The following CFAP74 variants were observed in gnomAD, a reference collection of about 807,000 sequenced individuals.
CFAP74 encodes the protein cilia- and flagella-associated protein 74.
Under a neutral mutation model 188.9 loss-of-function variants are expected in CFAP74, and 124 were observed. That is an observed-to-expected ratio of 0.66 (90% CI 0.57 to 0.76). CFAP74 has a LOEUF of 0.76. Ranked by LOEUF, CFAP74 falls within the 30% of genes least tolerant of loss-of-function variation. CFAP74 has a pLI of 0.00. For synonymous variants in CFAP74, 956 were observed against 916.7 expected (o/e 1.04, Z -0.77); for missense variants, 2,198 against 2,165.2 (o/e 1.02, Z -0.30).
In CFAP74 at chr1:1,930,351, A is replaced by G; in HGVS notation, c.3012-15T>C. ...GCTTGAAGCACCTGCAAGCAGCAGC[A>G]TGGGAGGCCCTCAGCCGTGCAGGGC... is the stretch of plus-strand genomic sequence containing the variant. On this transcript the variant is annotated splice_polypyrimidine_tract_variant and intron_variant, in intron 25 of 38. Transcript: ENST00000682832. 3 of 1,510,090 alleles carry G rather than the reference A, an allele frequency of 2.0e-6. No individual in the cohort carries two copies. The highest frequency in any genetic ancestry group is 2.7e-6 in the Non-Finnish European group (3 of 1,129,078). The allele number at this position is 1,510,090 out of a possible 1,614,324, so 93.5% of individuals were successfully genotyped here.
chr1:1,963,846 A>T lies in CFAP74; in HGVS notation c.1597T>A (p.Tyr533Asn). ...TTTACCAACGTGATCTTTTTCTTGT[A>T]CACTTTGCCAATATCAAAGTCCTGG... is the stretch of plus-strand genomic sequence containing the variant. The part of the protein sequence containing the change: ...HFQDFDIGKV[Y>N]KKKITLVNTT... Residue 533 changes from tyrosine (Y) to asparagine (N), a missense_variant, in exon 14 of 39, where the codon TAC becomes AAC. Physicochemically the swap from Tyr to Asn is moderately radical, Grantham distance 143. Transcript: ENST00000682832. 2 of 1,613,606 alleles carry T rather than the reference A, an allele frequency of 1.2e-6. No individual in the cohort carries two copies. Among genetic ancestry groups the T allele is most frequent in the Non-Finnish European group, 1.7e-6 (2 of 1,179,692 alleles).
Position 1,971,993 on chromosome 1 carries a change from A to T in CFAP74, c.875T>A (p.Ile292Asn), listed in dbSNP as rs780723518. ...GCGGGGGCCTACCCGGTTCGCGGAG[A>T]TGCTGCCCTTCAGCGCCACCACCGC... Reference protein sequence around the residue: ...MDAVVALKGSISANRDTLRKF... With the variant: ...MDAVVALKGSNSANRDTLRKF... The change falls in exon 9 of 39, where the codon ATC becomes AAC. Residue 292 changes from isoleucine to asparagine, a missense_variant. By Grantham distance (149) the Ile-to-Asn change is moderately radical. Transcript: ENST00000682832. 34 of 1,610,572 alleles carry T rather than the reference A, an allele frequency of 2.1e-5. No homozygotes were observed. In the Admixed American group the frequency reaches 5.7e-4, roughly 27 times the overall value.
intron 9 of CFAP74, among the ~76,000 whole-genome samples, chr1:1,971,360 TGC>T (rs1040693336): frequency 1.4e-5 from 2 of 147,094 alleles, no homozygotes; most frequent in African/African-American, 2.6e-5. Context: ...CATGCACACC[TGC>T]ACACACACGG....
intron 15 of CFAP74, 30 bp from the exon 16 acceptor site, chr1:1,959,239 A>C: frequency 1.6e-4 from 204 of 1,314,154 alleles, no homozygotes; most frequent in Non-Finnish European, 2.1e-4. Context: ...CCACCACAAT[A>C]CACTTCTGCA....
chr1:1,981,319 G>A (rs13302917), intron 6 of CFAP74, among the ~76,000 whole-genome samples: 1 of 151,740 alleles, frequency 6.6e-6, no homozygotes, highest in African/African-American at 2.4e-5. Context: ...TTGACTGCGA[G>A]AGGGAGGGGG....
intron 18 of CFAP74, among the ~76,000 whole-genome samples, chr1:1,947,815 T>C (rs1394668191): frequency 1.3e-5 from 2 of 152,082 alleles, no homozygotes; most frequent in African/African-American, 4.8e-5. Context: ...GTGGCGACTT[T>C]GAAGCACCAT....
intron 18 of CFAP74, among the ~76,000 whole-genome samples, chr1:1,951,441 C>T (rs1420895110): frequency 6.6e-6 from 1 of 152,134 alleles, no homozygotes; most frequent in Non-Finnish European, 1.5e-5. Flanking sequence ...TACTTTTGCA[C>T]CTCTGTTCAA....
intron 1 of CFAP74, among the ~76,000 whole-genome samples, chr1:1,992,469 C>T (rs1276610484): frequency 6.7e-6 from 1 of 149,566 alleles, no homozygotes; most frequent in African/African-American, 2.5e-5. Context: ...CATCTGGCAC[C>T]AAAAACAATT....
chr1:1,966,276 C>T, intron 12 of CFAP74, 95 bp downstream of exon 12: 2 of 1,203,840 alleles, frequency 1.7e-6, no homozygotes, highest in Non-Finnish European at 2.2e-6. Context: ...AGCCTCAGAG[C>T]AGCTGGTGTG....
At position 1,974,006 on chromosome 1, in the gene CFAP74, G is replaced by T; in HGVS notation, c.674+19C>A. 6.5e-7 allele frequency: 1 copy of T among 1,532,516 alleles called. No individual in the cohort carries two copies. The highest frequency in any genetic ancestry group is 8.8e-7 in the Non-Finnish European group (1 of 1,134,674). 94.9% of individuals were successfully genotyped at this position (1,532,516 alleles called of 1,614,324 possible). A position where few individuals can be genotyped will look rare whatever the true frequency, so the allele number is the denominator to read the frequency against. ...GAAGCTGCTGGGAAGGGATGGAGGT[G>T]GGCCTGGGTGTCGCCTACCTGATCC... On this transcript the variant is annotated intron_variant, in intron 7 of 38. Coordinates refer to ENST00000682832, the MANE Select transcript of CFAP74 (RefSeq NM_001304360.2).
chr1:1,938,158 C>G (rs57099876), intron 25 of CFAP74, among the ~76,000 whole-genome samples: 4 of 150,992 alleles, frequency 2.6e-5, no homozygotes, highest in African/African-American at 9.8e-5. Flanking sequence ...TGCACTCACA[C>G]TCAACCTTAC....
chr1:1,939,122 G>GACACACAC, intron 24 of CFAP74, 134 bp from the exon 25 acceptor site: 2 of 934,188 alleles, frequency 2.1e-6, no homozygotes, highest in Non-Finnish European at 1.6e-6. Context: ...GAGTGTCGCT[G>GACACACAC]TCAACGAGTG....
chr1:1,976,855 CTTT>C (rs147484570), intron 6 of CFAP74, among the ~76,000 whole-genome samples: 1 of 147,020 alleles, frequency 6.8e-6, no homozygotes, highest in Admixed American at 6.8e-5. Flanking sequence ...AACCTCTTTT[CTTT>C]TTTTTTTGAG....
chr1:1,969,577 C>T (rs1655780739), intron 10 of CFAP74, among the ~76,000 whole-genome samples: 1 of 152,224 alleles, frequency 6.6e-6, no homozygotes, highest in South Asian at 2.1e-4. Context: ...GTGGGGCTGC[C>T]ACTGAGAGTA....
At chr1:1,991,862 A>G (rs1365444909) in intron 1 of CFAP74, among the ~76,000 whole-genome samples, 8 of 151,594 alleles carry the variant, frequency 5.3e-5, no homozygotes, top group Admixed American at 5.3e-4. Context: ...GCACAGTGAA[A>G]CCCCATCTCT....
intron 6 of CFAP74, among the ~76,000 whole-genome samples, chr1:1,976,967 T>C (rs1439275462): frequency 6.6e-6 from 1 of 152,078 alleles, no homozygotes; most frequent in East Asian, 1.9e-4. Context: ...TGCCTCAGCT[T>C]CCTGAGTAGC....
At chr1:1,983,591 A>C (rs1002620011) in intron 6 of CFAP74, 5 of 152,260 alleles carry the variant, frequency 3.3e-5, no homozygotes, top group African/African-American at 1.2e-4. Context: ...CATGGGCTTC[A>C]GGCACGGCTC....
chr1:1,980,867 T>C (rs746648197), intron 6 of CFAP74, among the ~76,000 whole-genome samples: 19 of 152,008 alleles, frequency 1.2e-4, no homozygotes, highest in Non-Finnish European at 2.5e-4. Flanking sequence ...ACCGAGACCA[T>C]CACGCCTGCT....
At chr1:1,943,791 C>T (rs548424820) in intron 21 of CFAP74, among the ~76,000 whole-genome samples, 7 of 152,352 alleles carry the variant, frequency 4.6e-5, no homozygotes, top group South Asian at 2.1e-4. Context: ...ATTCTCTCCA[C>T]GTCCTGGAGG....
Sources: gnomAD v4.1 joint callset for allele counts (sites outside exome capture counted in the v4.1 genomes callset) on GRCh38, gnomAD v4.1.1 for gene constraint, MANE v1.5 for transcripts, NCBI Gene and HGNC (gene_info 2026-07-23, HGNC 2026-07-21) for gene names.